The following ARSK variants were observed in gnomAD, a reference collection of about 807,000 sequenced individuals.
ARSK encodes the protein arylsulfatase family member K, also known as arylsulfatase K.
A neutral mutation model predicts 53.2 loss-of-function variants in ARSK; 37 were observed. The ratio of observed to expected loss-of-function variants is 0.70; its 90% CI spans 0.54 to 0.92. The LOEUF is 0.92. Ranked by LOEUF, ARSK falls within the 40% of genes least tolerant of loss-of-function variation. The pLI is 0.00. For missense variants in ARSK, 613 were observed against 643.0 expected, an observed-to-expected ratio of 0.95 and a Z score of 0.51; for synonymous variants, 208 against 223.2, an observed-to-expected ratio of 0.93 and a Z score of 0.61.
chr5:95,572,243 T>TA (rs1748844928), intron 3 of ARSK, among the ~76,000 whole-genome samples: 1 of 152,158 alleles, frequency 6.6e-6, no homozygotes, highest in Non-Finnish European at 1.5e-5. Flanking sequence ...GTATTACTCA[T>TA]AAAAATGCCA....
intron 7 of ARSK, 117 bp from the exon 8 acceptor site, chr5:95,603,120 A>G (rs1749431373): frequency 2.5e-6 from 2 of 785,200 alleles, no homozygotes; most frequent in Non-Finnish European, 3.9e-6. Context: ...ATTTTACTAC[A>G]CTAACAGGAA....
At chr5:95,584,043 C>G (rs1266666489) in intron 4 of ARSK, among the ~76,000 whole-genome samples, 1 of 152,206 alleles carries the variant, frequency 6.6e-6, no homozygotes, top group Non-Finnish European at 1.5e-5. Flanking sequence ...TCAACATTCC[C>G]AGCTCCGCTA....
chr5:95,598,911 C>A (rs541049496), intron 6 of ARSK, among the ~76,000 whole-genome samples: 1 of 152,204 alleles, frequency 6.6e-6, no homozygotes, highest in Non-Finnish European at 1.5e-5. Flanking sequence ...AGCCCCTCCT[C>A]GGGACACTGT....
At chr5:95,569,894 C>T (rs1177704345) in intron 3 of ARSK, among the ~76,000 whole-genome samples, 1 of 152,206 alleles carries the variant, frequency 6.6e-6, no homozygotes, top group Admixed American at 6.5e-5. Flanking sequence ...ACAGGAAATG[C>T]AGAAGCAATC....
At chr5:95,603,115 A>T in intron 7 of ARSK, 122 bp from the exon 8 acceptor site, 2 of 741,432 alleles carry the variant, frequency 2.7e-6, no homozygotes, top group Middle Eastern at 4.1e-4. Flanking sequence ...CCTTCATTTT[A>T]CTACACTAAC....
chr5:95,576,752 G>A (rs1464941602), intron 3 of ARSK, among the ~76,000 whole-genome samples: 1 of 151,848 alleles, frequency 6.6e-6, no homozygotes, highest in Non-Finnish European at 1.5e-5. Context: ...CAGACTCTGG[G>A]TCTTCTCAGC....
chr5:95,555,373 C>G lies in ARSK; in HGVS notation c.95C>G (p.Pro32Arg). Residue 32 changes from proline to arginine, a missense_variant, in exon 1 of 8, where the codon CCC becomes CGC. Coordinates refer to ENST00000380009, the MANE Select transcript of ARSK (RefSeq NM_198150.3). This position sits in a 1 kb window ranked among gnomAD's most constrained non-coding sequence, Gnocchi z 4.0. ...GEQRRRAAKAPNVVLVVSDSF... is the reference protein window; with the variant it reads ...GEQRRRAAKARNVVLVVSDSF... The stretch of plus-strand genomic sequence containing the variant: ...CAGAGGCGGAGAGCAGCCAAAGCGC[C>G]CAATGTGGTGCTGGTCGTGAGCGAC... 1 of 1,610,564 alleles carries G rather than the reference C, an allele frequency of 6.2e-7. No homozygotes were observed. Among genetic ancestry groups the G allele is most frequent in the South Asian group, 1.1e-5 (1 of 90,680 alleles).
chr5:95,598,228 C>T (rs1197379093), intron 6 of ARSK, among the ~76,000 whole-genome samples: 2 of 152,066 alleles, frequency 1.3e-5, no homozygotes, highest in African/African-American at 4.8e-5. Context: ...TGCTTATACT[C>T]CCATGAAAGA....
At chr5:95,556,499 T>G (rs945933163) in intron 1 of ARSK, 11 of 412,874 alleles carry the variant, frequency 2.7e-5, no homozygotes, top group African/African-American at 2.2e-4. Flanking sequence ...TCCACCTGCA[T>G]GTTGGATGGC....
At chr5:95,576,871 T>C (rs1748933233) in intron 3 of ARSK, among the ~76,000 whole-genome samples, 1 of 152,276 alleles carries the variant, frequency 6.6e-6, no homozygotes, top group South Asian at 2.1e-4. Flanking sequence ...AAACCTCCAG[T>C]TACTGGATTA....
chr5:95,582,295 A>G (rs1463226844), intron 3 of ARSK, among the ~76,000 whole-genome samples: 1 of 152,174 alleles, frequency 6.6e-6, no homozygotes, highest in Non-Finnish European at 1.5e-5. Context: ...TTAATTGAGA[A>G]AGTGAATTAA....
chr5:95,593,310 C>T (rs1312773487), intron 6 of ARSK, among the ~76,000 whole-genome samples: 1 of 152,020 alleles, frequency 6.6e-6, no homozygotes, highest in Non-Finnish European at 1.5e-5. Flanking sequence ...CCGTTTTTCC[C>T]TCAGTATATT....
intron 6 of ARSK, among the ~76,000 whole-genome samples, chr5:95,596,846 T>G (rs577873347): frequency 2.0e-5 from 3 of 152,206 alleles, no homozygotes; most frequent in Admixed American, 2.0e-4. Flanking sequence ...AAAAGGTATT[T>G]TAAAAGAGTG....
chr5:95,572,705 G>T (rs1386140359), intron 3 of ARSK, among the ~76,000 whole-genome samples: 1 of 152,204 alleles, frequency 6.6e-6, no homozygotes, highest in East Asian at 1.9e-4. Context: ...GTGAACCCGG[G>T]AGGCGGAGCT....
At chr5:95,575,866 G>A (rs142066200) in intron 3 of ARSK, among the ~76,000 whole-genome samples, 160 of 152,094 alleles carry the variant, frequency 1.1e-3, no homozygotes, top group African/African-American at 3.7e-3. Context: ...TTTTCAATTC[G>A]GATGCCCTTT....
At position 95,604,982 on chromosome 5, in the gene ARSK, A is replaced by T. The variant is rs899131683; in HGVS notation, c.*1456A>T. 2 of 152,222 alleles carry T rather than the reference A, an allele frequency of 1.3e-5. No individual in the cohort carries two copies. Among genetic ancestry groups the T allele is most frequent in the African/African-American group, 4.8e-5 (2 of 41,466 alleles). The allele number at this position is 152,222 out of a possible 1,614,324, so 9.4% of individuals were successfully genotyped here. On this transcript the variant is annotated 3_prime_UTR_variant, in exon 8 of 8. Coordinates refer to ENST00000380009, the MANE Select transcript of ARSK (RefSeq NM_198150.3). The stretch of plus-strand genomic sequence containing the variant: ...TTGATATGTAGAAATTTTTATTTTC[A>T]TGTAAGCAAATTTATGAATCTTTGT...
intron 7 of ARSK, 136 bp from the exon 8 acceptor site, chr5:95,603,101 C>T (rs761260813): frequency 2.2e-5 from 14 of 636,496 alleles, no homozygotes; most frequent in Non-Finnish European, 3.3e-5. Context: ...ACCATTTATA[C>T]TGTCCTTCAT....
intron 4 of ARSK, among the ~76,000 whole-genome samples, chr5:95,584,798 G>C (rs1749082723): frequency 2.0e-5 from 3 of 152,150 alleles, no homozygotes; most frequent in Admixed American, 2.0e-4. Flanking sequence ...ATCACCTGAG[G>C]TCAGGAGTTC....
In ARSK at chr5:95,603,436, G is replaced by T. The variant is rs755154444; in HGVS notation, c.1521G>T (p.Arg507Ser). The part of the protein sequence containing the change: ...QNYSNVIANL[R>S]WHQDWQKEPR... ...ATTCAAACGTTATAGCAAATCTTAG[G>T]TGGCACCAAGACTGGCAGAAGGAAC... Residue 507 changes from arginine to serine, a missense_variant, in exon 8 of 8, where the codon AGG becomes AGT. Transcript: ENST00000380009. The T allele has an allele frequency of 1.1e-5, 18 of 1,613,440 alleles. No homozygotes were observed. In the Admixed American group the frequency reaches 3.0e-4, roughly 27 times the overall value.
Sources: allele counts gnomAD v4.1 joint callset (sites outside exome capture counted in the v4.1 genomes callset), GRCh38; gene constraint gnomAD v4.1.1; non-coding constraint Gnocchi (gnomAD v3.1); transcripts MANE v1.5; gene names NCBI Gene and HGNC (gene_info 2026-07-23, HGNC 2026-07-21).